DAB1: variants seen among roughly 807,000 people sequenced by gnomAD.
DAB1 encodes the protein DAB adaptor protein 1, also known as disabled homolog 1.
DAB1 carries 15 observed loss-of-function variants against 64.6 expected under a neutral mutation model. The observed-to-expected ratio is 0.23, with a 90% CI of 0.16 to 0.36. The LOEUF is 0.36. Ranked by LOEUF, DAB1 falls within the 10% of genes least tolerant of loss-of-function variation. DAB1 has a pLI of 1.00. For synonymous variants in DAB1, 235 were observed against 251.9 expected (o/e 0.93, Z 0.64); for missense variants, 596 against 706.7 (o/e 0.84, Z 1.78).
chr1:57,185,626 A>G (rs1438644066), intron 2 of DAB1, among the ~76,000 whole-genome samples: 4 of 152,184 alleles, frequency 2.6e-5, no homozygotes, highest in African/African-American at 9.6e-5. Flanking sequence ...GTAAAAAGGG[A>G]CATCCTCTTG....
intron 5 of DAB1, among the ~76,000 whole-genome samples, chr1:57,942,362 G>A (rs1420912597): frequency 1.3e-5 from 2 of 152,222 alleles, no homozygotes; most frequent in African/African-American, 4.8e-5. Context: ...ATTTAGAGAG[G>A]AGATAAAGCA....
chr1:57,305,774 C>G (rs879685623), intron 1 of DAB1, among the ~76,000 whole-genome samples: 17 of 151,964 alleles, frequency 1.1e-4, no homozygotes, highest in Non-Finnish European at 2.2e-4. Context: ...TCGAGACCAT[C>G]CTGGCTAACA....
chr1:57,245,776 T>TA, intron 2 of DAB1, among the ~76,000 whole-genome samples: 1 of 152,360 alleles, frequency 6.6e-6, no homozygotes, highest in Non-Finnish European at 1.5e-5. Context: ...GCATGATTTA[T>TA]AATCCTTTGG....
At position 57,247,387 on chromosome 1, in the gene DAB1, C is replaced by G. The variant is rs535119677; in HGVS notation, c.67+43577G>C. Among the ~76,000 whole-genome samples, 7 of 152,262 alleles carry G rather than the reference C, an allele frequency of 4.6e-5. No homozygotes were observed. In the East Asian group the frequency reaches 1.4e-3, roughly 29 times the overall value. On this transcript the variant is annotated intron_variant, in intron 2 of 14. Coordinates refer to ENST00000371236, the MANE Select transcript of DAB1 (RefSeq NM_001365792.1). ...TGCCATGGTAAGATGTGCTTGTTTC[C>G]CTTCTCCTTCTGCCATGACTGTAAG... is the stretch of plus-strand genomic sequence containing the variant.
At chr1:57,972,537 A>T (rs1010374354) in intron 5 of DAB1, among the ~76,000 whole-genome samples, 5 of 152,076 alleles carry the variant, frequency 3.3e-5, no homozygotes, top group Non-Finnish European at 7.4e-5. Flanking sequence ...GTCGCCACAC[A>T]CCTGGCCAAT....
intron 6 of DAB1, among the ~76,000 whole-genome samples, chr1:57,773,350 C>CAA (rs1275755021): frequency 6.6e-6 from 1 of 151,078 alleles, no homozygotes; most frequent in African/African-American, 2.4e-5. Flanking sequence ...TGTATACACA[C>CAA]ACACACACAC....
intron 6 of DAB1, among the ~76,000 whole-genome samples, chr1:57,652,330 C>T (rs1646266501): frequency 1.3e-5 from 2 of 152,084 alleles, no homozygotes; most frequent in Non-Finnish European, 2.9e-5. Flanking sequence ...TATGATTGCA[C>T]CCCCAATCAA....
At position 57,256,633 on chromosome 1, in the gene DAB1, T is replaced by A. The variant is rs143848134; in HGVS notation, c.67+34331A>T. On this transcript the variant is annotated intron_variant, in intron 2 of 14. Transcript: ENST00000371236. ...TCTAGACACCACAGATCTCTTTGGATTCTGACCTTATGCCTTGCTTCCTTT... is the reference window on the plus strand; with the variant it reads ...TCTAGACACCACAGATCTCTTTGGAATCTGACCTTATGCCTTGCTTCCTTT... Among the ~76,000 whole-genome samples, 1,446 of 152,374 alleles carry A rather than the reference T, an allele frequency of 9.5e-3. 18 individuals carry two copies. Among genetic ancestry groups the A allele is most frequent in the South Asian group, 0.021 (103 of 4,830 alleles).
chr1:57,840,559 A>G (rs188314363), intron 1 of DAB1, among the ~76,000 whole-genome samples: 10 of 152,246 alleles, frequency 6.6e-5, no homozygotes, highest in African/African-American at 2.4e-4. Flanking sequence ...ATGAAAAAAA[A>G]AGAAGTTTAA....
intron 7 of DAB1, among the ~76,000 whole-genome samples, chr1:57,465,561 C>A (rs185831380): frequency 2.6e-4 from 39 of 152,320 alleles, no homozygotes; most frequent in Middle Eastern, 6.8e-3. Context: ...ATTTTTGGAA[C>A]TTGCTTGTGC....
At chr1:58,245,117 A>C (rs1660471198) in intron 4 of DAB1, among the ~76,000 whole-genome samples, 1 of 152,242 alleles carries the variant, frequency 6.6e-6, no homozygotes, top group Admixed American at 6.5e-5. Flanking sequence ...GCAGAAGAAC[A>C]GTACTGGGGA....
chr1:58,474,064 G>C, intron 3 of DAB1: 1 of 531,296 alleles, frequency 1.9e-6, no homozygotes, highest in Non-Finnish European at 3.5e-6. Context: ...TCCCAATCCA[G>C]AGCCTAGGAA....
At chr1:57,589,344 T>C (rs566854769) in intron 7 of DAB1, among the ~76,000 whole-genome samples, 1 of 152,302 alleles carries the variant, frequency 6.6e-6, no homozygotes, top group East Asian at 1.9e-4. Flanking sequence ...AGTAATAACC[T>C]GGAGAAAATA....
chr1:57,166,783 C>T (rs1461884048), intron 2 of DAB1, among the ~76,000 whole-genome samples: 8 of 152,172 alleles, frequency 5.3e-5, no homozygotes, highest in Non-Finnish European at 8.8e-5. Context: ...GACTATGCCA[C>T]ATTATTGGGC....
intron 5 of DAB1, among the ~76,000 whole-genome samples, chr1:58,019,558 A>G (rs1646787892): frequency 6.6e-6 from 1 of 152,218 alleles, no homozygotes; most frequent in Admixed American, 6.5e-5. Context: ...ATGTTATCCT[A>G]TTTCACATTT....
intron 6 of DAB1, among the ~76,000 whole-genome samples, chr1:57,650,105 T>C (rs1646238793): frequency 6.6e-6 from 1 of 152,250 alleles, no homozygotes. Flanking sequence ...TCAGACCCTT[T>C]AATCTGTAAT....
At chr1:57,479,844 T>A (rs1643989812) in intron 7 of DAB1, among the ~76,000 whole-genome samples, 9 of 152,048 alleles carry the variant, frequency 5.9e-5, no homozygotes, top group Admixed American at 5.9e-4. Context: ...TCTCAAGACA[T>A]GCATTGCAAG....
At chr1:57,382,504 G>T (rs1485209447) in intron 1 of DAB1, among the ~76,000 whole-genome samples, 1 of 152,166 alleles carries the variant, frequency 6.6e-6, no homozygotes, top group Non-Finnish European at 1.5e-5. Context: ...TGCTATAGAA[G>T]TCCAATAAAG....
At chr1:57,995,152 C>A (rs970020306) in intron 5 of DAB1, among the ~76,000 whole-genome samples, 1 of 152,144 alleles carries the variant, frequency 6.6e-6, no homozygotes, top group South Asian at 2.1e-4. Flanking sequence ...CCCCCAGGTA[C>A]ATGATTTCAG....
Sources: allele counts gnomAD v4.1 joint callset (sites outside exome capture counted in the v4.1 genomes callset), GRCh38; gene constraint gnomAD v4.1.1; transcripts MANE v1.5; gene names NCBI Gene and HGNC (gene_info 2026-07-23, HGNC 2026-07-21).